The following CLN6 variants were observed in gnomAD, a reference collection of about 807,000 sequenced individuals.
CLN6 encodes ceroid-lipofuscinosis neuronal protein 6.
CLN6 carries 22 observed loss-of-function variants against 33.3 expected under a neutral mutation model. The observed-to-expected ratio is 0.66, with a 90% CI of 0.47 to 0.94. The LOEUF (loss-of-function observed/expected upper bound fraction) is 0.94. Ranked by LOEUF, CLN6 falls within the 40% of genes least tolerant of loss-of-function variation. The pLI is 0.00. For missense variants in CLN6, 387 were observed against 417.1 expected (o/e 0.93, Z 0.63); for synonymous variants, 201 against 174.6 (o/e 1.15, Z -1.19).
chr15:68,248,028 C>CAAAA (rs34262273), intron 1 of CLN6, among the ~76,000 whole-genome samples: 2 of 118,176 alleles, frequency 1.7e-5, no homozygotes, highest in Admixed American at 8.6e-5. Flanking sequence ...AACTCAGTCT[C>CAAAA]AAAAAAAAAA....
chr15:68,212,311 G>A (rs1220930564), intron 3 of CLN6: 1 of 191,500 alleles, frequency 5.2e-6, no homozygotes. Context: ...ATGGGGGCAG[G>A]TGCTTCTGAA....
intron 3 of CLN6, 153 bp from the exon 4 acceptor site, chr15:68,212,016 C>T: frequency 4.2e-6 from 3 of 709,762 alleles, no homozygotes; most frequent in Non-Finnish European, 2.4e-6. Flanking sequence ...GCCAGCCCAG[C>T]CTCCAGATCC....
intron 1 of CLN6, among the ~76,000 whole-genome samples, chr15:68,226,612 G>T (rs924121036): frequency 5.9e-5 from 9 of 151,706 alleles, no homozygotes; most frequent in Non-Finnish European, 1.3e-4. Flanking sequence ...GACTACATGC[G>T]CATGACACCA....
intron 1 of CLN6, 48 bp from the exon 2 acceptor site, chr15:68,218,698 C>T (rs2093227405): frequency 1.4e-6 from 2 of 1,386,834 alleles, no homozygotes; most frequent in African/African-American, 2.8e-5. Flanking sequence ...TCCTCCTCCA[C>T]CAAAATCTTC....
chr15:68,232,790 C>T (rs141056783), upstream of CLN6, among the ~76,000 whole-genome samples: 3,337 of 152,262 alleles, frequency 0.022, 114 homozygotes, highest in African/African-American at 0.077. The surrounding 1 kb of genome is among the most constrained non-coding windows in gnomAD (Gnocchi z 4.7). Flanking sequence ...ACCTGTAATC[C>T]CAGCACGTTG....
At chr15:68,232,646 G>A (rs956915891), upstream of CLN6, among the ~76,000 whole-genome samples, 6 of 152,174 alleles carry the variant, frequency 3.9e-5, no homozygotes, top group South Asian at 2.1e-4. This position sits in a 1 kb window ranked among gnomAD's most constrained non-coding sequence, Gnocchi z 4.7. Context: ...ACTCCATGGA[G>A]TGAACTTTGA....
In CLN6 at chr15:68,209,605, C is replaced by T; in HGVS notation, c.665+32G>A. The T allele has an allele frequency of 1.2e-6, 2 of 1,610,434 alleles. No homozygotes were observed. Among genetic ancestry groups the T allele is most frequent in the East Asian group, 2.2e-5 (1 of 44,868 alleles). The stretch of plus-strand genomic sequence containing the variant: ...TGCTGCCGTGGCTCTCTCAGTGCCC[C>T]TGCCTCTGCCCCCATGCTGATGTCC... On this transcript the variant is annotated intron_variant, in intron 6 of 6. Transcript: ENST00000249806. The surrounding 1 kb of genome is among the most constrained non-coding windows in gnomAD (Gnocchi z 4.9).
In CLN6 at chr15:68,243,005, C is replaced by T. The variant is rs117425821; in HGVS notation, c.179+13685G>A. ...TTAACATTGTAATATGTAGTTGAGA[C>T]GACTGCAGAAACAGTTTTATATACA... On this transcript the variant is annotated intron_variant, in intron 1 of 6. Transcript: ENST00000538696. Among the ~76,000 whole-genome samples the T allele has an allele frequency of 6.0e-4, 91 of 152,216 alleles. 2 individuals are homozygous for T. The East Asian group carries it at 0.013, about 22-fold the overall frequency.
rs2093230837 is a variant in CLN6 at position 68,219,872 on chromosome 15, A to G, written c.84-1222T>C. On this transcript the variant is annotated intron_variant, in intron 1 of 6. Coordinates refer to ENST00000249806, the MANE Select transcript of CLN6 (RefSeq NM_017882.3). This position sits in a 1 kb window ranked among gnomAD's most constrained non-coding sequence, Gnocchi z 4.2. ...CTCGTTTGTGCCAAGAACAGGCGCC[A>G]TGGACCACAAATCTGTATTCCTCCA... 1.3e-5 allele frequency among the ~76,000 whole-genome samples: 2 copies of G among 152,318 alleles called. No individual in the cohort carries two copies. Among genetic ancestry groups the G allele is most frequent in the South Asian group, 4.1e-4 (2 of 4,832 alleles).
chr15:68,254,567 C>T (rs1892412902), intron 1 of CLN6: 7 of 508,372 alleles, frequency 1.4e-5, no homozygotes, highest in East Asian at 7.0e-5. Flanking sequence ...GAGGTGAGAA[C>T]GACCCCAGGA....
In CLN6 at chr15:68,228,777, A is replaced by C; in HGVS notation, c.83+725T>G. On this transcript the variant is annotated intron_variant, in intron 1 of 6. Transcript: ENST00000249806. The surrounding 1 kb of genome is among the most constrained non-coding windows in gnomAD (Gnocchi z 4.4). The stretch of plus-strand genomic sequence containing the variant: ...AGGACCGTAAGCCTCTCCCACCTTC[A>C]CCCTGCCTACCCCCTTACTGCCTGG... Among the ~76,000 whole-genome samples the C allele has an allele frequency of 6.6e-6, 1 of 151,684 alleles. No individual in the cohort carries two copies. Among genetic ancestry groups the C allele is most frequent in the Admixed American group, 6.6e-5 (1 of 15,220 alleles).
At position 68,211,307 on chromosome 15, in the gene CLN6, AAAG is replaced by A. The variant is rs1331066377; in HGVS notation, c.495_497del (p.Phe166del). On this transcript the variant is annotated inframe_deletion, in exon 5 of 7. Coordinates refer to ENST00000249806, the MANE Select transcript of CLN6 (RefSeq NM_017882.3). This position sits in a 1 kb window ranked among gnomAD's most constrained non-coding sequence, Gnocchi z 5.9. ...ACTCATCATAATAGTAGAGCAGCTC[AAAG>A]GAGTCGATCTGAGGGAGGAACGGGC... 6.2e-7 allele frequency: 1 copy of A among 1,613,212 alleles called. No individual in the cohort carries two copies.
intron 2 of CLN6, chr15:68,218,206 C>T (rs2093225834): frequency 3.1e-6 from 1 of 325,682 alleles, no homozygotes; most frequent in Non-Finnish European, 6.1e-6. Context: ...TTCCTATACC[C>T]CTTTGTCTGT....
chr15:68,236,107 C>T lies in CLN6; in HGVS notation c.180-17457G>A, dbSNP rs1892217967. ...AAGGGATGAAAAAGACAAACAATAA[C>T]ACATGTTGGTGAAGATGTGGACAAA... On this transcript the variant is annotated intron_variant, in intron 1 of 6. Transcript: ENST00000538696. The surrounding 1 kb of genome is among the most constrained non-coding windows in gnomAD (Gnocchi z 4.5). Among the ~76,000 whole-genome samples the T allele has an allele frequency of 6.6e-6, 1 of 152,088 alleles. No homozygotes were observed. The highest frequency in any genetic ancestry group is 2.4e-5 in the African/African-American group (1 of 41,398).
chr15:68,234,918 G>A lies in CLN6; in HGVS notation c.180-16268C>T, dbSNP rs1003108045. ...TGTAATCCCAGCTACTCGGGAGGCTGAGGCAGGAGAATTGCTTGAACCCGG... is the reference window on the plus strand; with the variant it reads ...TGTAATCCCAGCTACTCGGGAGGCTAAGGCAGGAGAATTGCTTGAACCCGG... On this transcript the variant is annotated intron_variant, in intron 1 of 6. Transcript: ENST00000538696. This position sits in a 1 kb window ranked among gnomAD's most constrained non-coding sequence, Gnocchi z 4.1. 8.5e-5 allele frequency among the ~76,000 whole-genome samples: 13 copies of A among 152,192 alleles called. No individual in the cohort carries two copies. The highest frequency in any genetic ancestry group is 3.1e-4 in the African/African-American group (13 of 41,438).
intron 1 of CLN6, among the ~76,000 whole-genome samples, chr15:68,226,658 G>C (rs1161849743): frequency 2.0e-5 from 3 of 151,984 alleles, no homozygotes; most frequent in Non-Finnish European, 4.4e-5. Flanking sequence ...GTAGAGACAG[G>C]GTTTCTCCAT....
chr15:68,224,954 TGAG>T lies in CLN6; in HGVS notation c.83+4545_83+4547del, dbSNP rs555624001. On this transcript the variant is annotated intron_variant, in intron 1 of 6. Transcript: ENST00000249806. The stretch of plus-strand genomic sequence containing the variant: ...ATGGGGACAATGACACCACGACAGT[TGAG>T]GAGTGCATGCCATACACTTAAAATC... Among the ~76,000 whole-genome samples the T allele has an allele frequency of 5.5e-3, 837 of 152,286 alleles. 8 individuals carry two copies. Among genetic ancestry groups the T allele is most frequent in the African/African-American group, 0.019 (798 of 41,554 alleles).
rs975513831 is a variant in CLN6, at chr15:68,207,242, T to G, written c.*898A>C. 1 of 152,410 alleles carries G rather than the reference T, an allele frequency of 6.6e-6. No individual in the cohort carries two copies. Among genetic ancestry groups the G allele is most frequent in the Non-Finnish European group, 1.5e-5 (1 of 68,224 alleles). 9.4% of individuals were successfully genotyped at this position (152,410 alleles called of 1,614,324 possible). A position where few individuals can be genotyped will look rare whatever the true frequency, so the allele number is the denominator to read the frequency against. On this transcript the variant is annotated 3_prime_UTR_variant, in exon 7 of 7. Coordinates refer to ENST00000249806, the MANE Select transcript of CLN6 (RefSeq NM_017882.3). ...GGCTTTGATGAGAGGAGCTCTGGCT[T>G]TTGCTCAGGGCCTTTGGCACCCCAC...
At position 68,209,122 on chromosome 15, in the gene CLN6, AG is replaced by A. The variant is rs2093197038; in HGVS notation, c.665+514del. 6.6e-6 allele frequency among the ~76,000 whole-genome samples: 1 copy of A among 152,246 alleles called. No individual in the cohort carries two copies. Among genetic ancestry groups the A allele is most frequent in the Admixed American group, 6.5e-5 (1 of 15,292 alleles). On this transcript the variant is annotated intron_variant, in intron 6 of 6. Transcript: ENST00000249806. This position sits in a 1 kb window ranked among gnomAD's most constrained non-coding sequence, Gnocchi z 4.9. Reference sequence around the variant, plus strand: ...TGCAATGGGAAGAAGAGAGAGCCAGAGGGAACAAAGACCCAAGGCCAGAAGC... The same window carrying A: ...TGCAATGGGAAGAAGAGAGAGCCAGAGGAACAAAGACCCAAGGCCAGAAGC...
Sources: gnomAD v4.1 joint callset for allele counts (sites outside exome capture counted in the v4.1 genomes callset) on GRCh38, gnomAD v4.1.1 for gene constraint, Gnocchi (gnomAD v3.1) non-coding constraint, MANE v1.5 for transcripts, NCBI Gene and HGNC (gene_info 2026-07-23, HGNC 2026-07-21) for gene names.